Variants in FHL2 observed in about 807,000 individuals in gnomAD.
The protein encoded by FHL2 is four and a half LIM domains protein 2.
Under a neutral mutation model 32.7 loss-of-function variants are expected in FHL2, and 20 were observed. The ratio of observed to expected loss-of-function variants is 0.61; its 90% CI spans 0.43 to 0.89. The LOEUF is 0.89. Among genes scored for constraint, FHL2 ranks in the 40% least tolerant of loss-of-function variants. The probability of loss-of-function intolerance (pLI) is 0.00; values close to 1 mark genes in which losing one functional copy is unlikely to be tolerated. For missense variants in FHL2, 311 were observed against 358.6 expected (o/e 0.87, Z 1.07); for synonymous variants, 123 against 128.1 (o/e 0.96, Z 0.27).
At chr2:105,410,939 T>G (rs1442004115) in intron 1 of FHL2, among the ~76,000 whole-genome samples, 3 of 152,206 alleles carry the variant, frequency 2.0e-5, no homozygotes, top group East Asian at 3.9e-4. Flanking sequence ...CAACCTCAGT[T>G]GAGATGCCTT....
intron 5 of FHL2, among the ~76,000 whole-genome samples, chr2:105,364,666 A>G (rs1304738626): frequency 6.6e-6 from 1 of 152,224 alleles, no homozygotes; most frequent in Non-Finnish European, 1.5e-5. Context: ...GCTGTGGAAG[A>G]TGGAGTGCAA....
intron 4 of FHL2, among the ~76,000 whole-genome samples, chr2:105,372,771 G>A (rs774322115): frequency 1.2e-4 from 18 of 151,910 alleles, no homozygotes; most frequent in Middle Eastern, 3.2e-3. Flanking sequence ...TGGCCAGGCC[G>A]ATTTCAAACT....
intron 5 of FHL2, among the ~76,000 whole-genome samples, chr2:105,366,891 G>C (rs1200194651): frequency 6.6e-6 from 1 of 152,114 alleles, no homozygotes; most frequent in Non-Finnish European, 1.5e-5. Flanking sequence ...GACTACAGGC[G>C]TGTGCCACCA....
intron 1 of FHL2, among the ~76,000 whole-genome samples, chr2:105,407,586 C>T (rs1299454252): frequency 1.3e-5 from 2 of 151,812 alleles, no homozygotes; most frequent in African/African-American, 2.4e-5. Flanking sequence ...AAGAGCTTGG[C>T]CTTCCAGATA....
At position 105,367,828 on chromosome 2, in the gene FHL2, T is replaced by A. The variant is rs1363163505; in HGVS notation, c.332-89A>T. Reference sequence around the variant, plus strand: ...TCTGCCTTCAGAGCTTGCTGCCCTCTAGTTTTATGACCAGAGCAAGCCACT... The same window carrying A: ...TCTGCCTTCAGAGCTTGCTGCCCTCAAGTTTTATGACCAGAGCAAGCCACT... On this transcript the variant is annotated intron_variant, in intron 4 of 6. Transcript: ENST00000530340. 2.9e-6 allele frequency: 4 copies of A among 1,367,656 alleles called. No individual in the cohort carries two copies. The South Asian group carries it at 4.2e-5, about 14-fold the overall frequency. The allele number at this position is 1,367,656 out of a possible 1,614,324, so 84.7% of individuals were successfully genotyped here. A position where few individuals can be genotyped will look rare whatever the true frequency, so the allele number is the denominator to read the frequency against.
At chr2:105,370,740 G>C (rs1018235012) in intron 4 of FHL2, among the ~76,000 whole-genome samples, 2 of 152,142 alleles carry the variant, frequency 1.3e-5, no homozygotes, top group Non-Finnish European at 2.9e-5. Flanking sequence ...GTGTTTTGTC[G>C]GTGCTGGTTT....
At chr2:105,387,750 A>G (rs755699385) in intron 2 of FHL2, among the ~76,000 whole-genome samples, 1 of 152,234 alleles carries the variant, frequency 6.6e-6, no homozygotes, top group Non-Finnish European at 1.5e-5. Flanking sequence ...CAATCCCATT[A>G]CTGGGAATAC....
At chr2:105,427,437 G>A (rs1684300103) in intron 1 of FHL2, among the ~76,000 whole-genome samples, 1 of 152,122 alleles carries the variant, frequency 6.6e-6, no homozygotes, top group South Asian at 2.1e-4. Context: ...GTCTGGACAA[G>A]AGAGAGTGTC....
At chr2:105,412,055 A>G (rs1447713226) in intron 1 of FHL2, among the ~76,000 whole-genome samples, 4 of 152,336 alleles carry the variant, frequency 2.6e-5, no homozygotes, top group Non-Finnish European at 5.9e-5. Context: ...CAAGGTTAAG[A>G]TATGAAAGTA....
intron 3 of FHL2, chr2:105,374,332 CG>C (rs149773418): frequency 0.038 from 5,918 of 155,792 alleles, 341 homozygotes; most frequent in African/African-American, 0.13. Flanking sequence ...GATCTGGGGA[CG>C]GGGGGCATGT....
At chr2:105,387,504 G>A (rs1231732797) in intron 2 of FHL2, among the ~76,000 whole-genome samples, 1 of 152,150 alleles carries the variant, frequency 6.6e-6, no homozygotes, top group Non-Finnish European at 1.5e-5. Flanking sequence ...CAGGATAAAT[G>A]GAAAGACTCA....
chr2:105,405,997 G>GC (rs1367412551), intron 1 of FHL2, among the ~76,000 whole-genome samples: 3 of 152,156 alleles, frequency 2.0e-5, no homozygotes, highest in Non-Finnish European at 4.4e-5. Context: ...GGCTAATTCT[G>GC]CCCCATGGTA....
intron 1 of FHL2, 60 bp downstream of exon 1, chr2:105,398,782 A>G: frequency 7.7e-7 from 1 of 1,293,674 alleles, no homozygotes; most frequent in Non-Finnish European, 1.0e-6. Context: ...TTCTCCCCGC[A>G]CGGTTCGGGT....
At chr2:105,419,986 G>T (rs1459003184) in intron 1 of FHL2, among the ~76,000 whole-genome samples, 1 of 152,144 alleles carries the variant, frequency 6.6e-6, no homozygotes, top group Non-Finnish European at 1.5e-5. Context: ...GGATGCATTG[G>T]CCAAGGTCTC....
chr2:105,431,665 GATTTT>G (rs1684436391), intron 1 of FHL2, among the ~76,000 whole-genome samples: 1 of 152,222 alleles, frequency 6.6e-6, no homozygotes, highest in South Asian at 2.1e-4. Flanking sequence ...TTGGAGTTAG[GATTTT>G]ATTTTGACTT....
chr2:105,376,694 C>T lies in FHL2; in HGVS notation c.157-2961G>A, dbSNP rs116738164. 5 of 152,262 alleles carry T rather than the reference C, an allele frequency of 3.3e-5. No homozygotes were observed. The East Asian group carries it at 7.7e-4, about 24-fold the overall frequency. 9.4% of individuals were successfully genotyped at this position (152,262 alleles called of 1,614,324 possible). ...CCCAAAAGAATTAAAAGTAAGGTCTCGAAGATATATTTGTACATCCACGTT... is the reference window on the plus strand; with the variant it reads ...CCCAAAAGAATTAAAAGTAAGGTCTTGAAGATATATTTGTACATCCACGTT... On this transcript the variant is annotated intron_variant, in intron 3 of 6. Coordinates refer to ENST00000530340, the MANE Select transcript of FHL2 (RefSeq NM_001318895.3).
chr2:105,378,216 C>T (rs140095146), intron 3 of FHL2: 2 of 470,550 alleles, frequency 4.3e-6, no homozygotes, highest in African/African-American at 4.0e-5. Flanking sequence ...CACAAAAATG[C>T]AATAGCTACA....
chr2:105,388,271 A>G (rs1335894436), intron 2 of FHL2, among the ~76,000 whole-genome samples: 2 of 152,110 alleles, frequency 1.3e-5, no homozygotes, highest in African/African-American at 2.4e-5. Flanking sequence ...AAAAGTTTAA[A>G]ATAAGGGGTC....
upstream of FHL2, chr2:105,399,096 T>G: frequency 6.7e-7 from 1 of 1,481,882 alleles, no homozygotes; most frequent in South Asian, 1.3e-5. Context: ...CGCCGTGTCA[T>G]TTGACCATAT....
Sources: allele counts gnomAD v4.1 joint callset (sites outside exome capture counted in the v4.1 genomes callset), GRCh38; gene constraint gnomAD v4.1.1; transcripts MANE v1.5; gene names NCBI Gene and HGNC (gene_info 2026-07-23, HGNC 2026-07-21).